Variants in SNX18 observed in about 807,000 individuals in gnomAD.
SNX18 encodes sorting nexin 18, also known as sorting nexin-18.
SNX18 carries 35 observed loss-of-function variants against 48.7 expected under a neutral mutation model. The ratio of observed to expected loss-of-function variants is 0.72; its 90% confidence interval spans 0.55 to 0.95. The LOEUF is 0.95. Among genes scored for constraint, SNX18 ranks in the 40% least tolerant of loss-of-function variants. SNX18 has a pLI of 0.00. For synonymous variants in SNX18, 492 were observed against 384.7 expected, an observed-to-expected ratio of 1.28 and a Z score of -3.26; for missense variants, 824 against 871.0, an observed-to-expected ratio of 0.95 and a Z score of 0.68.
chr5:54,590,597 G>C, the SNX18 span, among the ~76,000 whole-genome samples: 4 of 152,146 alleles, frequency 2.6e-5, no homozygotes, highest in African/African-American at 9.6e-5. Context: ...TACCTGACTA[G>C]CTCTCCCCAA....
downstream of SNX18, among the ~76,000 whole-genome samples, chr5:54,548,420 T>A (rs956064329): frequency 1.3e-5 from 2 of 152,206 alleles, no homozygotes; most frequent in African/African-American, 4.8e-5. Context: ...GAAATGGCTC[T>A]CAGGATGGAA....
At chr5:54,562,901 A>G in the SNX18 span, among the ~76,000 whole-genome samples, 1 of 152,200 alleles carries the variant, frequency 6.6e-6, no homozygotes, top group Non-Finnish European at 1.5e-5. Context: ...GTGGAGGTGG[A>G]AGACAGGGAT....
chr5:54,583,228 C>T, the SNX18 span, among the ~76,000 whole-genome samples: 1 of 152,356 alleles, frequency 6.6e-6, no homozygotes, highest in South Asian at 2.1e-4. Flanking sequence ...CCTCCCACCT[C>T]AGCCTCCTAA....
At chr5:54,572,726 TTGTGTGTGTGTGTG>T in the SNX18 span, among the ~76,000 whole-genome samples, 1 of 38,636 alleles carries the variant, frequency 2.6e-5, no homozygotes, top group African/African-American at 8.4e-5. Context: ...CTCCTCCAAA[TTGTGTGTGTGTGTG>T]TGTGTGTGTG....
the SNX18 span, among the ~76,000 whole-genome samples, chr5:54,637,385 A>G: frequency 8.5e-5 from 13 of 152,190 alleles, no homozygotes; most frequent in Admixed American, 2.0e-4. Flanking sequence ...CATTTTCATC[A>G]AATATCCTTT....
chr5:54,554,014 G>A, the SNX18 span, among the ~76,000 whole-genome samples: 25 of 152,340 alleles, frequency 1.6e-4, 1 homozygote, highest in Admixed American at 1.4e-3. Flanking sequence ...TGGATTCGCT[G>A]TTCTGCATGG....
At position 54,519,096 on chromosome 5, in the gene SNX18, C is replaced by G; in HGVS notation, c.1144C>G (p.Pro382Ala). 1 of 1,614,086 alleles carries G rather than the reference C, an allele frequency of 6.2e-7. No individual in the cohort carries two copies. The highest frequency in any genetic ancestry group is 8.5e-7 in the Non-Finnish European group (1 of 1,180,020). The change falls in exon 1 of 2, where the codon CCC becomes GCC. Residue 382 changes from proline (P) to alanine (A), a missense_variant. Physicochemically the swap from Pro to Ala is conservative, Grantham distance 27. Coordinates refer to ENST00000381410, the MANE Select transcript of SNX18 (RefSeq NM_001102575.2). Reference protein sequence around the residue: ...CDVFQHFLTCPSSTDEKAWKQ... With the variant: ...CDVFQHFLTCASSTDEKAWKQ... ...CGTCTTCCAGCACTTCCTGACGTGC[C>G]CCAGCAGCACCGACGAGAAAGCCTG...
At chr5:54,634,541 T>C in the SNX18 span, among the ~76,000 whole-genome samples, 71 of 152,268 alleles carry the variant, frequency 4.7e-4, no homozygotes, top group African/African-American at 1.7e-3. Flanking sequence ...ATTTTTTTTT[T>C]CAGCTCATCA....
Position 54,518,705 on chromosome 5 carries a change from C to G in SNX18, c.753C>G (p.Phe251Leu). 1 of 1,585,294 alleles carries G rather than the reference C, an allele frequency of 6.3e-7. No homozygotes were observed. The highest frequency in any genetic ancestry group is 8.6e-7 in the Non-Finnish European group (1 of 1,166,112). The change falls in exon 1 of 2, where the codon TTC (phenylalanine) becomes TTG (leucine). Residue 251 changes from phenylalanine to leucine, a missense_variant. Around this residue, in one of 3 missense-constraint regions of SNX18, gnomAD observed 443 missense variants for 503.6 expected, o/e 0.88. Coordinates refer to ENST00000381410, the MANE Select transcript of SNX18 (RefSeq NM_001102575.2). Reference sequence around the variant, plus strand: ...TCGTGCTGGGGGAGGCGTCAGGCTTCGTGAAGGACGGGGACAAGCTGTGCG... The same window carrying G: ...TCGTGCTGGGGGAGGCGTCAGGCTTGGTGAAGGACGGGGACAAGCTGTGCG... The part of the protein sequence containing the change: ...EAFVLGEASG[F>L]VKDGDKLCVV...
At chr5:54,535,674 G>C (rs13161134) in intron 1 of SNX18, among the ~76,000 whole-genome samples, 53,756 of 152,046 alleles carry the variant, frequency 0.35, 11,341 homozygotes, top group Non-Finnish European at 0.48. Flanking sequence ...TGTGGAGGTG[G>C]GGTCTTTGCC....
chr5:54,600,912 G>A, the SNX18 span, among the ~76,000 whole-genome samples: 37 of 152,102 alleles, frequency 2.4e-4, no homozygotes, highest in Non-Finnish European at 2.5e-4. Flanking sequence ...GTTGATAGGT[G>A]CAGTAAACCA....
At chr5:54,555,865 TTGG>T in the SNX18 span, among the ~76,000 whole-genome samples, 1 of 151,644 alleles carries the variant, frequency 6.6e-6, no homozygotes, top group Non-Finnish European at 1.5e-5. Context: ...GAAAAAAAGA[TTGG>T]GTAAAAGTAT....
the SNX18 span, among the ~76,000 whole-genome samples, chr5:54,613,092 C>T: frequency 2.8e-4 from 42 of 152,316 alleles, 1 homozygote; most frequent in Admixed American, 4.6e-4. Flanking sequence ...AGGATGGGAG[C>T]GGTGCTCATG....
At chr5:54,640,701 G>A in the SNX18 span, among the ~76,000 whole-genome samples, 2 of 152,108 alleles carry the variant, frequency 1.3e-5, no homozygotes, top group African/African-American at 2.4e-5. Context: ...TTCTCCTAGG[G>A]CTCTTCAATA....
the SNX18 span, among the ~76,000 whole-genome samples, chr5:54,646,971 C>A: frequency 6.6e-6 from 1 of 152,144 alleles, no homozygotes; most frequent in Admixed American, 6.5e-5. Flanking sequence ...ATGGCCTGTG[C>A]CTCTTCCTGA....
chr5:54,643,724 TCCA>T, the SNX18 span: 1 of 152,222 alleles, frequency 6.6e-6, no homozygotes, highest in South Asian at 2.1e-4. Context: ...TTCCCTGTCT[TCCA>T]CGTCATGACT....
the SNX18 span, among the ~76,000 whole-genome samples, chr5:54,597,093 G>C: frequency 6.6e-6 from 1 of 152,184 alleles, no homozygotes; most frequent in African/African-American, 2.4e-5. Flanking sequence ...GCAAAAAGCA[G>C]GGGTTGCAAT....
At chr5:54,634,873 T>C in the SNX18 span, among the ~76,000 whole-genome samples, 5,231 of 152,232 alleles carry the variant, frequency 0.034, 125 homozygotes, top group East Asian at 0.089. Context: ...ATAATTAATG[T>C]TTGTCAGCAT....
chr5:54,596,684 A>G, the SNX18 span, among the ~76,000 whole-genome samples: 1 of 152,196 alleles, frequency 6.6e-6, no homozygotes, highest in Non-Finnish European at 1.5e-5. Context: ...TACCCTTAGC[A>G]AGTCACATTC....
Sources: gnomAD v4.1 joint callset for allele counts (sites outside exome capture counted in the v4.1 genomes callset) on GRCh38, gnomAD v4.1.1 for gene constraint, gnomAD v4.1.1 regional missense constraint, MANE v1.5 for transcripts, NCBI Gene and HGNC (gene_info 2026-07-23, HGNC 2026-07-21) for gene names.